NR3C2: variants seen among roughly 807,000 people sequenced by gnomAD.
NR3C2 encodes the protein nuclear receptor subfamily 3 group C member 2, also known as mineralocorticoid receptor.
Under a neutral mutation model 86.4 loss-of-function variants are expected in NR3C2, and 15 were observed. The observed-to-expected ratio is 0.17, with a 90% CI of 0.12 to 0.27. The LOEUF is 0.27. Among genes scored for constraint, NR3C2 ranks in the 10% least tolerant of loss-of-function variants. The pLI, the probability that NR3C2 is intolerant of heterozygous loss-of-function variation, is 1.00. For missense variants in NR3C2, 960 were observed against 1,195.6 expected (o/e 0.80, Z 2.91); for synonymous variants, 458 against 450.5 (o/e 1.02, Z -0.21).
chr4:148,178,571 A>C (rs1735492758), intron 4 of NR3C2, among the ~76,000 whole-genome samples: 1 of 151,772 alleles, frequency 6.6e-6, no homozygotes, highest in Non-Finnish European at 1.5e-5. Context: ...TGATTGTTAC[A>C]GTCACAGTTC....
At chr4:148,308,282 C>A (rs1742735608) in intron 2 of NR3C2, among the ~76,000 whole-genome samples, 1 of 151,994 alleles carries the variant, frequency 6.6e-6, no homozygotes, top group Non-Finnish European at 1.5e-5. Context: ...AAGATCTGTG[C>A]CATTACGTAT....
At chr4:148,335,218 T>C (rs1355613) in intron 2 of NR3C2, among the ~76,000 whole-genome samples, 98,998 of 152,078 alleles carry the variant, frequency 0.65, 33,752 homozygotes, top group Non-Finnish European at 0.75. Flanking sequence ...CAAGTGATTC[T>C]AATTCTTTCC....
At chr4:148,234,657 T>C (rs1738648036) in intron 3 of NR3C2, among the ~76,000 whole-genome samples, 1 of 142,924 alleles carries the variant, frequency 7.0e-6, no homozygotes. Flanking sequence ...TACTCCAACC[T>C]GGGCGACACA....
At chr4:148,392,598 A>G (rs951763751) in intron 2 of NR3C2, among the ~76,000 whole-genome samples, 2 of 152,200 alleles carry the variant, frequency 1.3e-5, no homozygotes, top group African/African-American at 4.8e-5. Flanking sequence ...TTACTGCTCT[A>G]TGAACATGTA....
At chr4:148,271,483 T>C (rs1740681166) in intron 2 of NR3C2, among the ~76,000 whole-genome samples, 1 of 152,106 alleles carries the variant, frequency 6.6e-6, no homozygotes, top group African/African-American at 2.4e-5. Flanking sequence ...ACTAAGATTT[T>C]CGGCACACAC....
intron 2 of NR3C2, among the ~76,000 whole-genome samples, chr4:148,321,637 CTTCT>C (rs1392995798): frequency 6.6e-6 from 1 of 152,058 alleles, no homozygotes; most frequent in Non-Finnish European, 1.5e-5. Flanking sequence ...ATGTAATGGC[CTTCT>C]TTGTCTCTTT....
chr4:148,433,894 T>C (rs1461409671), intron 2 of NR3C2, among the ~76,000 whole-genome samples: 4 of 152,160 alleles, frequency 2.6e-5, no homozygotes, highest in Non-Finnish European at 5.9e-5. Flanking sequence ...CATCAGAATA[T>C]GATTAAATAG....
chr4:148,121,230 C>T (rs918952461), intron 6 of NR3C2, among the ~76,000 whole-genome samples: 1 of 152,140 alleles, frequency 6.6e-6, no homozygotes, highest in Non-Finnish European at 1.5e-5. Flanking sequence ...AAGCAGGCAG[C>T]GTCTGCAGGA....
At chr4:148,293,217 C>T (rs1314857208) in intron 2 of NR3C2, among the ~76,000 whole-genome samples, 1 of 152,094 alleles carries the variant, frequency 6.6e-6, no homozygotes, top group Non-Finnish European at 1.5e-5. Context: ...CAAAATCAAA[C>T]TAGATATAAG....
chr4:148,101,465 G>C (rs1731531952), intron 8 of NR3C2, among the ~76,000 whole-genome samples: 1 of 152,176 alleles, frequency 6.6e-6, no homozygotes, highest in African/African-American at 2.4e-5. Context: ...TCATAATTAA[G>C]GTGTAATGTG....
chr4:148,414,684 T>G (rs1244992290), intron 2 of NR3C2, among the ~76,000 whole-genome samples: 2 of 152,212 alleles, frequency 1.3e-5, no homozygotes, highest in Non-Finnish European at 2.9e-5. Context: ...TAAAGACTTG[T>G]GGAAAATAAT....
chr4:148,267,451 T>G (rs1740454342), intron 2 of NR3C2, among the ~76,000 whole-genome samples: 1 of 152,110 alleles, frequency 6.6e-6, no homozygotes. Context: ...GCTGCCATAA[T>G]AGTGGACCTA....
At chr4:148,082,515 AAC>A (rs1253936095) in intron 8 of NR3C2, among the ~76,000 whole-genome samples, 2 of 152,122 alleles carry the variant, frequency 1.3e-5, no homozygotes, top group Non-Finnish European at 2.9e-5. Flanking sequence ...ACTGTGCTGT[AAC>A]AGTGCATTCT....
intron 3 of NR3C2, among the ~76,000 whole-genome samples, chr4:148,259,538 T>C (rs1282610022): frequency 6.6e-6 from 1 of 152,226 alleles, no homozygotes; most frequent in Non-Finnish European, 1.5e-5. Flanking sequence ...AATTATTCTG[T>C]ATGAAACACA....
At chr4:148,297,480 C>T (rs575358654) in intron 2 of NR3C2, among the ~76,000 whole-genome samples, 5 of 152,256 alleles carry the variant, frequency 3.3e-5, no homozygotes, top group South Asian at 2.1e-4. Context: ...ATCACACAGG[C>T]TGGGCATGGT....
chr4:148,116,215 A>C (rs1459841333), intron 7 of NR3C2, among the ~76,000 whole-genome samples: 3 of 152,248 alleles, frequency 2.0e-5, no homozygotes, highest in Non-Finnish European at 4.4e-5. Context: ...AGATTAACCA[A>C]ATTTATATTT....
chr4:148,127,336 A>G (rs1178026219), intron 6 of NR3C2, among the ~76,000 whole-genome samples: 2 of 152,234 alleles, frequency 1.3e-5, no homozygotes, highest in African/African-American at 2.4e-5. Context: ...TAATTTTGCA[A>G]TATCGCTTTA....
At chr4:148,295,288 A>C (rs182278685) in intron 2 of NR3C2, among the ~76,000 whole-genome samples, 269 of 152,112 alleles carry the variant, frequency 1.8e-3, no homozygotes, top group African/African-American at 5.9e-3. Context: ...AGAAAAATGA[A>C]GAAAACATAA....
At chr4:148,279,999 A>T (rs1295756979) in intron 2 of NR3C2, among the ~76,000 whole-genome samples, 1 of 152,234 alleles carries the variant, frequency 6.6e-6, no homozygotes, top group East Asian at 1.9e-4. Context: ...TACTGGGATT[A>T]CAGGCATGAA....
Sources: allele counts gnomAD v4.1 joint callset (sites outside exome capture counted in the v4.1 genomes callset), GRCh38; gene constraint gnomAD v4.1.1; transcripts MANE v1.5; gene names NCBI Gene and HGNC (gene_info 2026-07-23, HGNC 2026-07-21).